Variants in OR51B5 observed in about 807,000 individuals in gnomAD.
The protein encoded by OR51B5 is olfactory receptor family 51 subfamily B member 5.
For synonymous variants in OR51B5, 186 were observed against 144.8 expected (o/e 1.28, Z -2.04); for missense variants, 456 against 374.6 (o/e 1.22, Z -1.79).
intron 1 of OR51B5, chr11:5,488,670 A>G: frequency 3.7e-6 from 5 of 1,365,438 alleles, no homozygotes; most frequent in Non-Finnish European, 3.1e-6. Flanking sequence ...AAGCATAACA[A>G]TACTATTCAG....
chr11:5,414,404 A>C (rs1285198411), intron 1 of OR51B5, among the ~76,000 whole-genome samples: 1 of 148,780 alleles, frequency 6.7e-6, no homozygotes, highest in Non-Finnish European at 1.5e-5. Flanking sequence ...CTAACATCAT[A>C]ATGACAGGAT....
At chr11:5,380,225 G>A (rs536655839) in intron 1 of OR51B5, among the ~76,000 whole-genome samples, 1 of 152,328 alleles carries the variant, frequency 6.6e-6, no homozygotes, top group South Asian at 2.1e-4. Flanking sequence ...GTGGGAAGAT[G>A]TGGAGACTTC....
intron 1 of OR51B5, among the ~76,000 whole-genome samples, chr11:5,491,705 A>G (rs1279048374): frequency 6.6e-6 from 1 of 152,234 alleles, no homozygotes; most frequent in African/African-American, 2.4e-5. Flanking sequence ...GAAGTAAAGC[A>G]ATGCAAATGA....
intron 1 of OR51B5, among the ~76,000 whole-genome samples, chr11:5,494,468 G>A (rs1262266642): frequency 1.3e-5 from 2 of 152,072 alleles, no homozygotes; most frequent in African/African-American, 4.8e-5. Flanking sequence ...TTCAGCACAG[G>A]AACCATACTT....
intron 1 of OR51B5, among the ~76,000 whole-genome samples, chr11:5,436,196 G>A (rs992236756): frequency 1.3e-5 from 2 of 152,188 alleles, no homozygotes; most frequent in African/African-American, 2.4e-5. Context: ...GACTGCAGTA[G>A]AGACGGGTTG....
At chr11:5,452,701 G>A (rs890656298) in intron 1 of OR51B5, among the ~76,000 whole-genome samples, 3 of 151,936 alleles carry the variant, frequency 2.0e-5, no homozygotes, top group African/African-American at 4.8e-5. Context: ...GTGACTAATG[G>A]GTATTTTGAG....
intron 1 of OR51B5, among the ~76,000 whole-genome samples, chr11:5,416,429 C>T (rs1850244446): frequency 6.6e-6 from 1 of 151,996 alleles, no homozygotes; most frequent in Admixed American, 6.6e-5. Flanking sequence ...CTGGCCAGGG[C>T]AATTAGGCAG....
At chr11:5,480,540 A>G (rs1312660349) in intron 1 of OR51B5, among the ~76,000 whole-genome samples, 3 of 151,166 alleles carry the variant, frequency 2.0e-5, no homozygotes, top group African/African-American at 7.3e-5. Context: ...AGACACAAAA[A>G]ACCCTTCAAA....
At chr11:5,408,511 A>T (rs1341530099) in intron 1 of OR51B5, among the ~76,000 whole-genome samples, 2 of 152,054 alleles carry the variant, frequency 1.3e-5, no homozygotes, top group Non-Finnish European at 2.9e-5. Context: ...CTATTTATTA[A>T]AACAAGAGAA....
intron 1 of OR51B5, among the ~76,000 whole-genome samples, chr11:5,439,112 C>G (rs1238797789): frequency 6.6e-6 from 1 of 152,096 alleles, no homozygotes; most frequent in Non-Finnish European, 1.5e-5. Context: ...CTCTCTCTCT[C>G]TCTCTCTTCC....
chr11:5,379,025 C>A (rs567021678), intron 1 of OR51B5, among the ~76,000 whole-genome samples: 9 of 150,432 alleles, frequency 6.0e-5, no homozygotes, highest in African/African-American at 9.9e-5. Flanking sequence ...ATGTTTATTG[C>A]GGTACTATTC....
chr11:5,348,739 C>A (rs1171433129), intron 1 of OR51B5, among the ~76,000 whole-genome samples: 1 of 152,108 alleles, frequency 6.6e-6, no homozygotes, highest in African/African-American at 2.4e-5. Flanking sequence ...GTGGGTCTGC[C>A]TCTCCCAGTC....
At chr11:5,345,498 C>G (rs1408365324), upstream of OR51B5, among the ~76,000 whole-genome samples, 1 of 152,008 alleles carries the variant, frequency 6.6e-6, no homozygotes, top group Non-Finnish European at 1.5e-5. Context: ...TCTGTTTGAA[C>G]AAATGAAAGA....
chr11:5,464,199 T>C (rs1314097557), intron 1 of OR51B5, among the ~76,000 whole-genome samples: 2 of 152,244 alleles, frequency 1.3e-5, no homozygotes, highest in Non-Finnish European at 2.9e-5. Flanking sequence ...CAAGTGGGTT[T>C]TTCTATATTT....
chr11:5,371,493 TTAAA>T (rs1849447215), intron 1 of OR51B5, among the ~76,000 whole-genome samples: 1 of 152,044 alleles, frequency 6.6e-6, no homozygotes, highest in Non-Finnish European at 1.5e-5. Context: ...AGTACTGATA[TTAAA>T]AATAGAGAAA....
intron 1 of OR51B5, among the ~76,000 whole-genome samples, chr11:5,358,797 G>A (rs561843432): frequency 3.2e-3 from 491 of 152,194 alleles, no homozygotes; most frequent in Middle Eastern, 0.01. Context: ...TATCCACCAT[G>A]ATCAAGTGGG....
At chr11:5,426,334 C>T (rs986159175) in intron 1 of OR51B5, among the ~76,000 whole-genome samples, 5 of 152,050 alleles carry the variant, frequency 3.3e-5, no homozygotes, top group African/African-American at 1.2e-4. Flanking sequence ...GAATTTACAG[C>T]ATTACAGGAT....
At chr11:5,395,719 G>A (rs925086089) in intron 1 of OR51B5, among the ~76,000 whole-genome samples, 2 of 152,140 alleles carry the variant, frequency 1.3e-5, no homozygotes, top group Non-Finnish European at 1.5e-5. Context: ...TTTCAACATA[G>A]TAAAAAAGCT....
chr11:5,421,903 GTGC>G (rs995453555), intron 1 of OR51B5, among the ~76,000 whole-genome samples: 3 of 152,310 alleles, frequency 2.0e-5, no homozygotes, highest in African/African-American at 7.2e-5. Flanking sequence ...TGATTTAAAT[GTGC>G]TGAAAACTGA....
Sources: allele counts gnomAD v4.1 joint callset (sites outside exome capture counted in the v4.1 genomes callset), GRCh38; gene constraint gnomAD v4.1.1; transcripts MANE v1.5; gene names NCBI Gene and HGNC (gene_info 2026-07-23, HGNC 2026-07-21).